The following NCALD variants were observed in gnomAD, a reference collection of about 807,000 sequenced individuals.
The protein encoded by NCALD is neurocalcin delta, also known as neurocalcin-delta.
NCALD carries 10 observed loss-of-function variants against 18.6 expected under a neutral mutation model. The ratio of observed to expected loss-of-function variants is 0.54; its 90% CI spans 0.33 to 0.91. The LOEUF is 0.91. Among genes scored for constraint, NCALD ranks in the 40% least tolerant of loss-of-function variants. The pLI, the probability that NCALD is intolerant of heterozygous loss-of-function variation, is 0.03. For missense variants in NCALD, 184 were observed against 247.6 expected, an observed-to-expected ratio of 0.74 and a Z score of 1.72; for synonymous variants, 88 against 87.4, an observed-to-expected ratio of 1.01 and a Z score of -0.04.
chr8:101,895,993 T>C (rs1164385753), intron 3 of NCALD, among the ~76,000 whole-genome samples: 1 of 151,136 alleles, frequency 6.6e-6, no homozygotes, highest in Non-Finnish European at 1.5e-5. Context: ...ATGACTTTCT[T>C]CACAGAATTG....
intron 1 of NCALD, among the ~76,000 whole-genome samples, chr8:101,775,376 C>A (rs1193091709): frequency 6.6e-6 from 1 of 152,146 alleles, no homozygotes. Flanking sequence ...CTCGAGATAC[C>A]TATAGAGATT....
At chr8:101,939,341 T>A (rs1818871185) in intron 2 of NCALD, among the ~76,000 whole-genome samples, 1 of 152,182 alleles carries the variant, frequency 6.6e-6, no homozygotes, top group Admixed American at 6.5e-5. Context: ...TCTTAATTGA[T>A]AAGATGTCTG....
chr8:101,770,270 T>C (rs889657408), intron 1 of NCALD, among the ~76,000 whole-genome samples: 6 of 152,192 alleles, frequency 3.9e-5, no homozygotes, highest in African/African-American at 1.4e-4. Context: ...ATTAGTTGGT[T>C]CTCTTGTATT....
intron 2 of NCALD, among the ~76,000 whole-genome samples, chr8:101,924,388 G>C (rs1054588612): frequency 1.3e-5 from 2 of 152,124 alleles, no homozygotes; most frequent in African/African-American, 4.8e-5. Flanking sequence ...ATTCCGACAA[G>C]TGCTTGTAAA....
chr8:101,912,637 C>T (rs1817841006), intron 3 of NCALD, among the ~76,000 whole-genome samples: 1 of 152,148 alleles, frequency 6.6e-6, no homozygotes, highest in African/African-American at 2.4e-5. Context: ...TCTGATTTGC[C>T]TTTACTTTAG....
intron 3 of NCALD, among the ~76,000 whole-genome samples, chr8:101,904,391 A>C (rs1817541832): frequency 6.6e-6 from 1 of 151,982 alleles, no homozygotes; most frequent in South Asian, 2.1e-4. Context: ...CTACTCTCAA[A>C]ATCACCACAT....
At chr8:102,112,987 C>CT (rs57213836) in intron 1 of NCALD, among the ~76,000 whole-genome samples, 23,006 of 152,054 alleles carry the variant, frequency 0.15, 2,168 homozygotes, top group African/African-American at 0.26. Flanking sequence ...CCAAATAAAC[C>CT]TTTTTTCTTT....
At chr8:102,122,543 G>A (rs917685268) in intron 1 of NCALD, among the ~76,000 whole-genome samples, 1 of 152,216 alleles carries the variant, frequency 6.6e-6, no homozygotes, top group Non-Finnish European at 1.5e-5. Flanking sequence ...ACTGAGAGAA[G>A]AGGGCGTATA....
intron 1 of NCALD, among the ~76,000 whole-genome samples, chr8:101,768,495 G>A (rs373894259): frequency 6.6e-6 from 1 of 152,194 alleles, no homozygotes; most frequent in African/African-American, 2.4e-5. Flanking sequence ...GGCCACCTGA[G>A]GTGAGAAGTT....
intron 3 of NCALD, among the ~76,000 whole-genome samples, chr8:101,896,449 G>T (rs1586715411): frequency 6.6e-6 from 1 of 152,166 alleles, no homozygotes; most frequent in South Asian, 2.1e-4. Context: ...CAGGACATAG[G>T]CATGGGCAAG....
rs1226386395 is a variant in NCALD at position 101,886,914 on chromosome 8, G to C, written c.-20+227C>G. Among the ~76,000 whole-genome samples, 6 of 151,438 alleles carry C rather than the reference G, an allele frequency of 4.0e-5. No homozygotes were observed. The South Asian group carries it at 1.0e-3, about 26-fold the overall frequency. Reference sequence around the variant, plus strand: ...CCGCTTAATCAGTCACCAGAAAAGAGAGCAGGATTTTTTTTTAATTAAAAT... The same window carrying C: ...CCGCTTAATCAGTCACCAGAAAAGACAGCAGGATTTTTTTTTAATTAAAAT... On this transcript the variant is annotated intron_variant, in intron 4 of 6. Coordinates refer to the NCALD transcript ENST00000311028.
At chr8:102,111,571 G>A (rs1283734329) in intron 1 of NCALD, among the ~76,000 whole-genome samples, 2 of 152,062 alleles carry the variant, frequency 1.3e-5, no homozygotes, top group African/African-American at 2.4e-5. Context: ...AAAAGAGTGA[G>A]AGCCAAAGGA....
chr8:101,716,075 C>T (rs1358102449), intron 2 of NCALD, among the ~76,000 whole-genome samples: 2 of 152,128 alleles, frequency 1.3e-5, no homozygotes, highest in African/African-American at 4.8e-5. Flanking sequence ...ACCCAAATGC[C>T]CACCAATGTT....
Position 101,894,799 on chromosome 8 carries a change from C to T in NCALD, c.-106-7572G>A, listed in dbSNP as rs566765817. Among the ~76,000 whole-genome samples, 58 of 150,312 alleles carry T rather than the reference C, an allele frequency of 3.9e-4. 3 individuals carry two copies. The highest frequency in any genetic ancestry group is 1.4e-3 in the African/African-American group (54 of 39,892). ...AAATTCCTCAACACATACACTCTCC[C>T]GAGACTAAACCAGGAAGAAGTTGAA... On this transcript the variant is annotated intron_variant, in intron 3 of 6. Transcript: ENST00000311028.
intron 1 of NCALD, among the ~76,000 whole-genome samples, chr8:102,107,327 T>C (rs184235878): frequency 2.0e-5 from 3 of 150,570 alleles, no homozygotes; most frequent in African/African-American, 7.3e-5. Flanking sequence ...CAAATTTGGA[T>C]TTCTTAAGGA....
At chr8:102,012,427 G>A (rs1232713030) in intron 2 of NCALD, among the ~76,000 whole-genome samples, 3 of 152,208 alleles carry the variant, frequency 2.0e-5, no homozygotes, top group Non-Finnish European at 4.4e-5. Context: ...CCTTGGGTAG[G>A]GAGCTGGGCT....
At chr8:102,120,973 C>T (rs1057483128) in intron 1 of NCALD, among the ~76,000 whole-genome samples, 7 of 152,178 alleles carry the variant, frequency 4.6e-5, no homozygotes, top group African/African-American at 1.7e-4. Flanking sequence ...AGACTATTCC[C>T]TAATCCCATT....
intron 1 of NCALD, among the ~76,000 whole-genome samples, chr8:102,100,979 T>C (rs1825259562): frequency 6.6e-6 from 1 of 152,176 alleles, no homozygotes; most frequent in South Asian, 2.1e-4. Flanking sequence ...TGGATGGTGG[T>C]GATGGTTGCA....
intron 1 of NCALD, among the ~76,000 whole-genome samples, chr8:102,048,684 C>T (rs932732994): frequency 2.0e-5 from 3 of 152,144 alleles, no homozygotes; most frequent in African/African-American, 4.8e-5. Context: ...TTAAATGTTT[C>T]GAATTTGTTT....
Sources: allele counts gnomAD v4.1 joint callset (sites outside exome capture counted in the v4.1 genomes callset), GRCh38; gene constraint gnomAD v4.1.1; transcripts MANE v1.5; gene names NCBI Gene and HGNC (gene_info 2026-07-23, HGNC 2026-07-21).